Variants in PXDN observed in about 807,000 individuals in gnomAD.
PXDN encodes peroxidasin homolog.
In PXDN, 77 loss-of-function variants were observed where a neutral mutation model predicts 140.3. The observed-to-expected ratio is 0.55, with a 90% CI of 0.46 to 0.66. The LOEUF (loss-of-function observed/expected upper bound fraction) is 0.66. Ranked by LOEUF, PXDN falls within the 30% of genes least tolerant of loss-of-function variation. The pLI is 0.00. For synonymous variants in PXDN, 911 were observed against 857.4 expected, an observed-to-expected ratio of 1.06 and a Z score of -1.09; for missense variants, 1,838 against 2,039.5, an observed-to-expected ratio of 0.90 and a Z score of 1.90.
intron 1 of PXDN, among the ~76,000 whole-genome samples, chr2:1,719,793 C>T (rs992140373): frequency 6.6e-6 from 1 of 150,636 alleles, no homozygotes; most frequent in African/African-American, 2.5e-5. Flanking sequence ...TCAGGGTTCT[C>T]CAGAGAAATG....
intron 1 of PXDN, among the ~76,000 whole-genome samples, chr2:1,723,091 G>A (rs1335950128): frequency 6.6e-6 from 1 of 152,188 alleles, no homozygotes; most frequent in Non-Finnish European, 1.5e-5. Context: ...TGAATAGATG[G>A]ATGAGTGGTT....
rs899404728 is a variant in PXDN at position 1,660,304 on chromosome 2, G to A, written c.1837+577C>T. ...ACCCGGACAAGATGCCAAGGGCCTC[G>A]GGGTGAGTGGGATGGAAGTGGTGGC... On this transcript the variant is annotated intron_variant, in intron 14 of 22. Coordinates refer to ENST00000252804, the MANE Select transcript of PXDN (RefSeq NM_012293.3). The surrounding 1 kb of genome is among the most constrained non-coding windows in gnomAD (Gnocchi z 4.6). Among the ~76,000 whole-genome samples the A allele has an allele frequency of 3.9e-5, 6 of 152,216 alleles. No individual in the cohort carries two copies. Among genetic ancestry groups the A allele is most frequent in the Non-Finnish European group, 7.4e-5 (5 of 68,020 alleles).
chr2:1,647,872 A>G (rs1682887548), intron 17 of PXDN, among the ~76,000 whole-genome samples: 1 of 152,198 alleles, frequency 6.6e-6, no homozygotes, highest in African/African-American at 2.4e-5. Flanking sequence ...CCAGAAAAGT[A>G]TAGCTCATCT....
rs13015020 is a variant in PXDN at position 1,644,798 on chromosome 2, G to A, written c.3609-46C>T. On this transcript the variant is annotated intron_variant, in intron 17 of 22. Transcript: ENST00000252804. Reference sequence around the variant, plus strand: ...TGAAATCTACCTAACAAAGCTGCACGTGGTAAAAAATACAGCAAATATAAA... The same window carrying A: ...TGAAATCTACCTAACAAAGCTGCACATGGTAAAAAATACAGCAAATATAAA... 42,821 of 1,368,930 alleles carry A rather than the reference G, an allele frequency of 0.031. 762 individuals are homozygous for A. Among genetic ancestry groups the A allele is most frequent in the Non-Finnish European group, 0.035 (36,536 of 1,049,118 alleles). The allele number at this position is 1,368,930 out of a possible 1,614,324, so 84.8% of individuals were successfully genotyped here. A position where few individuals can be genotyped will look rare whatever the true frequency, so the allele number is the denominator to read the frequency against.
intron 1 of PXDN, among the ~76,000 whole-genome samples, chr2:1,710,725 GCACC>G (rs1684741781): frequency 1.7e-5 from 2 of 115,384 alleles, no homozygotes; most frequent in African/African-American, 6.8e-5. Context: ...CACTCCACCA[GCACC>G]CTCTCCACCA....
At chr2:1,723,559 T>G (rs915373996) in intron 1 of PXDN, among the ~76,000 whole-genome samples, 5 of 152,054 alleles carry the variant, frequency 3.3e-5, no homozygotes, top group Non-Finnish European at 7.4e-5. Flanking sequence ...AATGGACAGA[T>G]GGATGGACTA....
chr2:1,739,700 A>C (rs893202558), intron 1 of PXDN, among the ~76,000 whole-genome samples: 1 of 152,050 alleles, frequency 6.6e-6, no homozygotes, highest in Non-Finnish European at 1.5e-5. Flanking sequence ...GCCCTCTCTA[A>C]GCTTATTTTG....
chr2:1,732,806 A>G (rs1418798195), intron 1 of PXDN, among the ~76,000 whole-genome samples: 2 of 152,242 alleles, frequency 1.3e-5, no homozygotes, highest in African/African-American at 4.8e-5. Flanking sequence ...TTATTCAATT[A>G]AAACCAACCC....
In PXDN at chr2:1,702,992, G is replaced by C. The variant is rs28527205; in HGVS notation, c.201-9858C>G. Among the ~76,000 whole-genome samples, 2,056 of 99,664 alleles carry C rather than the reference G, an allele frequency of 0.021. 227 individuals are homozygous for C. In the East Asian group the frequency reaches 0.32, roughly 15 times the overall value. 65.4% of individuals were successfully genotyped at this position (99,664 alleles called of 152,430 possible). A position where few individuals can be genotyped will look rare whatever the true frequency, so the allele number is the denominator to read the frequency against. The stretch of plus-strand genomic sequence containing the variant: ...AGGCGGGACAACTCCAGGTGAAGGG[G>C]GGGACAACTCCAGGTGAAGGGGGGA... On this transcript the variant is annotated intron_variant, in intron 1 of 22. Coordinates refer to ENST00000252804, the MANE Select transcript of PXDN (RefSeq NM_012293.3).
At chr2:1,666,150 C>T (rs920858403) in intron 10 of PXDN, 64 bp downstream of exon 10, 37 of 1,581,848 alleles carry the variant, frequency 2.3e-5, no homozygotes, top group East Asian at 9.0e-5. Context: ...TATGGCAGCG[C>T]GAGCTAGTGG....
At chr2:1,680,476 C>T (rs997423442) in intron 6 of PXDN, 114 bp from the exon 7 acceptor site, 21 of 1,306,558 alleles carry the variant, frequency 1.6e-5, no homozygotes, top group Non-Finnish European at 2.2e-5. Flanking sequence ...GCCTGCCAGG[C>T]TTGCGACATG....
rs551163043 is a variant in PXDN, at chr2:1,648,627, G to A, written c.3153C>T (p.His1051=). ...EVGMRTLGEY[H]GYDPGINAGI... ...CAGCATTGATGCCGGGGTCGTAGCC[G>A]TGGTACTCTCCCAGCGTCCTCATGC... Residue 1051 remains histidine, a synonymous_variant, in exon 17 of 23, where the codon CAC becomes CAT. Coordinates refer to ENST00000252804, the MANE Select transcript of PXDN (RefSeq NM_012293.3). The surrounding 1 kb of genome is among the most constrained non-coding windows in gnomAD (Gnocchi z 8.9). 9.3e-6 allele frequency: 15 copies of A among 1,611,452 alleles called. No individual in the cohort carries two copies. In the Admixed American group the frequency reaches 1.7e-4, roughly 18 times the overall value.
intron 19 of PXDN, among the ~76,000 whole-genome samples, chr2:1,642,278 C>A (rs1044047366): frequency 1.3e-5 from 2 of 152,154 alleles, no homozygotes; most frequent in Admixed American, 6.5e-5. Flanking sequence ...CACAGAGGCA[C>A]GCACTCTCTT....
intron 22 of PXDN, among the ~76,000 whole-genome samples, chr2:1,634,673 G>T (rs1034197470): frequency 1.3e-5 from 2 of 152,178 alleles, no homozygotes; most frequent in Non-Finnish European, 2.9e-5. Flanking sequence ...GTGTCTGGGG[G>T]TGGGCGTTGT....
intron 22 of PXDN, among the ~76,000 whole-genome samples, chr2:1,634,787 T>C (rs114174004): frequency 0.012 from 1,871 of 152,254 alleles, 37 homozygotes; most frequent in African/African-American, 0.043. Flanking sequence ...CTGATGCGCG[T>C]CCTCTCCCAA....
chr2:1,716,957 C>T (rs1684910349), intron 1 of PXDN, among the ~76,000 whole-genome samples: 1 of 152,202 alleles, frequency 6.6e-6, no homozygotes, highest in Non-Finnish European at 1.5e-5. Context: ...GCCTTGCCCC[C>T]ATCCAGCCCC....
At chr2:1,736,742 A>G (rs957849873) in intron 1 of PXDN, among the ~76,000 whole-genome samples, 1 of 152,154 alleles carries the variant, frequency 6.6e-6, no homozygotes, top group African/African-American at 2.4e-5. Flanking sequence ...GGAGTAGCTA[A>G]AAGTAGGAGG....
chr2:1,690,461 G>A (rs2125449129), intron 3 of PXDN, among the ~76,000 whole-genome samples: 1 of 152,220 alleles, frequency 6.6e-6, no homozygotes, highest in Non-Finnish European at 1.5e-5. Context: ...CGTGTTTGCT[G>A]AGTGCATACT....
At chr2:1,704,598 GAAGGGGGGCAGCTCCAGGTA>G (rs1684542211) in intron 1 of PXDN, among the ~76,000 whole-genome samples, 1 of 83,240 alleles carries the variant, frequency 1.2e-5, no homozygotes, top group Non-Finnish European at 2.1e-5. Context: ...AGCTCCAGGT[GAAGGGGGGCAGCTCCAGGTA>G]AAGGGGGGGA....
Sources: allele counts gnomAD v4.1 joint callset (sites outside exome capture counted in the v4.1 genomes callset), GRCh38; gene constraint gnomAD v4.1.1; non-coding constraint Gnocchi (gnomAD v3.1); transcripts MANE v1.5; gene names NCBI Gene and HGNC (gene_info 2026-07-23, HGNC 2026-07-21).